FLT1: variants seen among roughly 807,000 people sequenced by gnomAD.
The protein encoded by FLT1 is fms related receptor tyrosine kinase 1.
Under a neutral mutation model 156.3 loss-of-function variants are expected in FLT1, and 49 were observed. The ratio of observed to expected loss-of-function variants is 0.31; its 90% CI spans 0.25 to 0.40. The LOEUF (loss-of-function observed/expected upper bound fraction) is 0.40. Ranked by LOEUF, FLT1 falls within the 10% of genes least tolerant of loss-of-function variation. The pLI, the probability that FLT1 is intolerant of heterozygous loss-of-function variation, is 1.00. For missense variants in FLT1, 1,322 were observed against 1,637.2 expected (o/e 0.81, Z 3.32); for synonymous variants, 594 against 583.8 (o/e 1.02, Z -0.25).
chr13:28,385,714 AAT>A, intron 13 of FLT1: 1 of 962,518 alleles, frequency 1.0e-6, no homozygotes, highest in Non-Finnish European at 1.3e-6. Flanking sequence ...AAAACATACA[AAT>A]ATGATACAAT....
chr13:28,430,193 A>G (rs1877601228), intron 7 of FLT1, 26 bp from the exon 8 acceptor site: 1 of 1,501,282 alleles, frequency 6.7e-7, no homozygotes, highest in African/African-American at 1.4e-5. Context: ...TGATACATAC[A>G]TTAGAAAAGA....
At chr13:28,311,551 G>A (rs754408043) in intron 27 of FLT1, 39 bp downstream of exon 27, 1 of 1,531,708 alleles carries the variant, frequency 6.5e-7, no homozygotes, top group Admixed American at 1.8e-5. Flanking sequence ...TTTTTTGTTG[G>A]AAAATTCTGT....
intron 14 of FLT1, among the ~76,000 whole-genome samples, chr13:28,375,919 G>A (rs1873820332): frequency 6.6e-6 from 1 of 152,228 alleles, no homozygotes; most frequent in African/African-American, 2.4e-5. Context: ...TACAACTCAA[G>A]TTTTGCAAAA....
chr13:28,303,502 C>CCA (rs1555297841), intron 29 of FLT1, 134 bp from the exon 30 acceptor site: 4 of 771,332 alleles, frequency 5.2e-6, no homozygotes, highest in Admixed American at 2.1e-5. Flanking sequence ...ACCCCCCCCC[C>CCA]CTCAATTGCT....
chr13:28,345,567 A>G lies in FLT1; in HGVS notation c.2249-16T>C. The G allele has an allele frequency of 6.9e-7, 1 of 1,448,316 alleles. No homozygotes were observed. The highest frequency in any genetic ancestry group is 9.7e-7 in the Non-Finnish European group (1 of 1,033,698). The allele number at this position is 1,448,316 out of a possible 1,614,324, so 89.7% of individuals were successfully genotyped here. A position where few individuals can be genotyped will look rare whatever the true frequency, so the allele number is the denominator to read the frequency against. ...TCCGAGGTTCCTGGAGAGAAAAAAA[A>G]TCACAATAGTGGTGCAACAAAGAAA... On this transcript the variant is annotated splice_polypyrimidine_tract_variant and intron_variant, in intron 15 of 29. Coordinates refer to ENST00000282397, the MANE Select transcript of FLT1 (RefSeq NM_002019.4).
chr13:28,311,239 G>A (rs1417160867), intron 27 of FLT1, among the ~76,000 whole-genome samples: 1 of 152,188 alleles, frequency 6.6e-6, no homozygotes, highest in African/African-American at 2.4e-5. Flanking sequence ...TTACAGGCAC[G>A]AGCCACTGTG....
intron 15 of FLT1, among the ~76,000 whole-genome samples, chr13:28,356,724 G>C (rs956357114): frequency 6.6e-6 from 1 of 152,134 alleles, no homozygotes; most frequent in Non-Finnish European, 1.5e-5. Flanking sequence ...TTCTGAAGTC[G>C]ACTGGTTAGC....
chr13:28,394,907 C>T (rs912237702), intron 12 of FLT1, among the ~76,000 whole-genome samples: 1 of 152,190 alleles, frequency 6.6e-6, no homozygotes, highest in African/African-American at 2.4e-5. Flanking sequence ...TCAGTATTCA[C>T]ACCTTTGGGT....
intron 19 of FLT1, among the ~76,000 whole-genome samples, chr13:28,329,168 T>A (rs1038412045): frequency 6.6e-6 from 1 of 152,216 alleles, no homozygotes; most frequent in Non-Finnish European, 1.5e-5. Flanking sequence ...GCTCTGTCCC[T>A]ACCCCCTTGG....
At chr13:28,458,670 T>C (rs556879839) in intron 3 of FLT1, among the ~76,000 whole-genome samples, 1 of 152,354 alleles carries the variant, frequency 6.6e-6, no homozygotes, top group South Asian at 2.1e-4. Flanking sequence ...CAAGCTCCCT[T>C]AGTGTTTAAT....
intron 14 of FLT1, among the ~76,000 whole-genome samples, chr13:28,358,474 G>A (rs1267747360): frequency 1.3e-5 from 2 of 152,174 alleles, no homozygotes; most frequent in Non-Finnish European, 1.5e-5. Flanking sequence ...CTCAGTAAAT[G>A]TAAGCTTAAG....
intron 1 of FLT1, among the ~76,000 whole-genome samples, chr13:28,485,509 T>G (rs1881100996): frequency 6.6e-6 from 1 of 152,190 alleles, no homozygotes; most frequent in Non-Finnish European, 1.5e-5. Context: ...GTCAAGACAT[T>G]ATGTAGCATT....
intron 1 of FLT1, among the ~76,000 whole-genome samples, chr13:28,494,157 T>G (rs1881621009): frequency 6.6e-6 from 1 of 152,152 alleles, no homozygotes; most frequent in Non-Finnish European, 1.5e-5. Flanking sequence ...ACAGTCCGGC[T>G]TGGGGACTCA....
intron 1 of FLT1, among the ~76,000 whole-genome samples, chr13:28,488,711 C>G (rs1018909719): frequency 1.1e-4 from 16 of 152,250 alleles, no homozygotes; most frequent in Middle Eastern, 3.4e-3. Context: ...TCGCACCTAG[C>G]AGGGTAGTCC....
At chr13:28,484,217 G>A (rs561370616) in intron 1 of FLT1, among the ~76,000 whole-genome samples, 2 of 152,268 alleles carry the variant, frequency 1.3e-5, no homozygotes, top group South Asian at 2.1e-4. Flanking sequence ...CTTCCAGGTC[G>A]TTCTGTGAGG....
chr13:28,469,486 G>A (rs146120520), intron 1 of FLT1, among the ~76,000 whole-genome samples: 38 of 152,266 alleles, frequency 2.5e-4, no homozygotes, highest in African/African-American at 7.2e-4. Context: ...TTAATTGGCT[G>A]CTCCTCAGGC....
intron 14 of FLT1, among the ~76,000 whole-genome samples, chr13:28,377,674 A>C (rs1873896329): frequency 6.6e-6 from 1 of 152,254 alleles, no homozygotes; most frequent in South Asian, 2.1e-4. Flanking sequence ...AATATTTGTT[A>C]AATAAGTAAA....
intron 15 of FLT1, among the ~76,000 whole-genome samples, chr13:28,347,368 C>CAA (rs34826467): frequency 2.8e-4 from 42 of 148,772 alleles, no homozygotes; most frequent in African/African-American, 7.4e-4. Context: ...ACTAAAAATA[C>CAA]AAAAAAAAAA....
intron 15 of FLT1, chr13:28,346,407 T>C (rs1441129373): frequency 6.6e-6 from 1 of 152,218 alleles, no homozygotes; most frequent in African/African-American, 2.4e-5. Context: ...AATGCCTTTA[T>C]CCTTTAACTT....
Sources: gnomAD v4.1 joint callset for allele counts (sites outside exome capture counted in the v4.1 genomes callset) on GRCh38, gnomAD v4.1.1 for gene constraint, MANE v1.5 for transcripts, NCBI Gene and HGNC (gene_info 2026-07-23, HGNC 2026-07-21) for gene names.